Variants in NARS2 observed in about 807,000 individuals in gnomAD.
The protein encoded by NARS2 is asparaginyl-tRNA synthetase.
NARS2 carries 60 observed loss-of-function variants against 62.9 expected under a neutral mutation model. That is an observed-to-expected ratio of 0.95 (90% CI 0.77 to 1.18). NARS2 has a LOEUF of 1.18. Ranked by LOEUF, NARS2 falls within the 50% of genes most tolerant of loss-of-function variation. The pLI is 0.00. For synonymous variants in NARS2, 196 were observed against 200.0 expected (o/e 0.98, Z 0.17); for missense variants, 619 against 576.4 (o/e 1.07, Z -0.76).
At chr11:78,544,047 C>T (rs1855750712) in intron 5 of NARS2, among the ~76,000 whole-genome samples, 1 of 146,678 alleles carries the variant, frequency 6.8e-6, no homozygotes. Flanking sequence ...AAAACTCTCT[C>T]TCACTCTCCA....
At chr11:78,517,826 C>T (rs376999169) in intron 6 of NARS2, among the ~76,000 whole-genome samples, 3 of 152,162 alleles carry the variant, frequency 2.0e-5, no homozygotes, top group South Asian at 4.1e-4. Flanking sequence ...TGACGAAGTT[C>T]CTCATTTATA....
chr11:78,497,728 A>T (rs963716895), intron 6 of NARS2, among the ~76,000 whole-genome samples: 8 of 152,158 alleles, frequency 5.3e-5, no homozygotes, highest in African/African-American at 1.9e-4. Context: ...TAGACTCCAG[A>T]TACCCCCTTT....
intron 5 of NARS2, among the ~76,000 whole-genome samples, chr11:78,537,387 T>C (rs1156920775): frequency 6.6e-6 from 1 of 152,248 alleles, no homozygotes; most frequent in Non-Finnish European, 1.5e-5. Flanking sequence ...CTTGTATTCA[T>C]GTAGGGTACA....
At chr11:78,573,887 C>T (rs1336851243) in intron 1 of NARS2, among the ~76,000 whole-genome samples, 1 of 152,204 alleles carries the variant, frequency 6.6e-6, no homozygotes. Flanking sequence ...AAATAAATTA[C>T]ATGCAGACCC....
At chr11:78,493,945 GTTCAT>G (rs1859941918) in intron 6 of NARS2, among the ~76,000 whole-genome samples, 1 of 152,050 alleles carries the variant, frequency 6.6e-6, no homozygotes, top group Non-Finnish European at 1.5e-5. Flanking sequence ...GATAAGGTGT[GTTCAT>G]TTATTTTTTA....
At chr11:78,513,507 G>T (rs1187752802) in intron 6 of NARS2, among the ~76,000 whole-genome samples, 1 of 152,056 alleles carries the variant, frequency 6.6e-6, no homozygotes, top group Non-Finnish European at 1.5e-5. Flanking sequence ...GCCGGGTGCG[G>T]TGGCTCATGC....
At chr11:78,465,775 GA>G in intron 11 of NARS2, 100 bp downstream of exon 11, 3 of 1,302,886 alleles carry the variant, frequency 2.3e-6, no homozygotes, top group Non-Finnish European at 3.3e-6. Flanking sequence ...ATCATTTTAA[GA>G]GATAGAGTGA....
At chr11:78,552,865 C>A (rs1374858797) in intron 5 of NARS2, among the ~76,000 whole-genome samples, 1 of 152,230 alleles carries the variant, frequency 6.6e-6, no homozygotes, top group Non-Finnish European at 1.5e-5. Flanking sequence ...GCATCCTCAA[C>A]TTTGGGAAAA....
chr11:78,439,846 A>C (rs1857521874), intron 13 of NARS2, among the ~76,000 whole-genome samples: 1 of 152,184 alleles, frequency 6.6e-6, no homozygotes, highest in African/African-American at 2.4e-5. Context: ...ATAAATAAAA[A>C]ATGTATATAT....
At position 78,516,094 on chromosome 11, in the gene NARS2, G is replaced by T. The variant is rs147178866; in HGVS notation, c.689+12748C>A. Among the ~76,000 whole-genome samples the T allele has an allele frequency of 3.6e-3, 552 of 152,264 alleles. 1 individual carries two copies. Among genetic ancestry groups the T allele is most frequent in the African/African-American group, 0.013 (535 of 41,530 alleles). On this transcript the variant is annotated intron_variant, in intron 6 of 13. Transcript: ENST00000281038. ...GTTTATAAAAGATTCTAAGTATTTG[G>T]AAGTTGATAAAGACACAGGGCAGAA...
At chr11:78,550,304 C>T (rs1318694090) in intron 5 of NARS2, among the ~76,000 whole-genome samples, 1 of 152,190 alleles carries the variant, frequency 6.6e-6, no homozygotes, top group Non-Finnish European at 1.5e-5. Flanking sequence ...TGTTCTGTTT[C>T]ACTGTTCCCA....
intron 6 of NARS2, among the ~76,000 whole-genome samples, chr11:78,528,033 C>G (rs1462299506): frequency 1.3e-5 from 2 of 152,114 alleles, no homozygotes; most frequent in East Asian, 3.9e-4. Context: ...ATCACTTGAG[C>G]CTAGAGTTTG....
At chr11:78,561,847 G>C (rs964136228) in intron 4 of NARS2, among the ~76,000 whole-genome samples, 2 of 151,880 alleles carry the variant, frequency 1.3e-5, no homozygotes, top group Non-Finnish European at 2.9e-5. Flanking sequence ...ATCACCTGAG[G>C]TCAGGAGTTT....
chr11:78,505,881 C>T (rs1860477549), intron 6 of NARS2, among the ~76,000 whole-genome samples: 1 of 151,990 alleles, frequency 6.6e-6, no homozygotes, highest in Non-Finnish European at 1.5e-5. Context: ...GAATAAGAAG[C>T]TTCTGGTCTT....
chr11:78,528,542 A>G (rs754943311), intron 6 of NARS2, among the ~76,000 whole-genome samples: 13 of 152,242 alleles, frequency 8.5e-5, no homozygotes, highest in Non-Finnish European at 1.0e-4. Flanking sequence ...TCAGGTATAA[A>G]CTATAAATTG....
chr11:78,505,032 T>C (rs1222192680), intron 6 of NARS2, among the ~76,000 whole-genome samples: 2 of 151,780 alleles, frequency 1.3e-5, no homozygotes, highest in Non-Finnish European at 2.9e-5. Context: ...TGCACACAGT[T>C]CACAGGTAAA....
At chr11:78,492,826 TG>T (rs1859883759) in intron 7 of NARS2, among the ~76,000 whole-genome samples, 1 of 152,178 alleles carries the variant, frequency 6.6e-6, no homozygotes, top group Admixed American at 6.5e-5. Flanking sequence ...CTAAAGATCA[TG>T]AAAGTCAGGG....
chr11:78,535,334 A>G (rs1461272572), intron 5 of NARS2, among the ~76,000 whole-genome samples: 1 of 152,250 alleles, frequency 6.6e-6, no homozygotes, highest in African/African-American at 2.4e-5. Context: ...CATCTTCAAT[A>G]TATTTCTTTC....
intron 4 of NARS2, among the ~76,000 whole-genome samples, chr11:78,563,739 G>T (rs552882106): frequency 2.1e-5 from 3 of 140,542 alleles, no homozygotes; most frequent in Admixed American, 1.5e-4. Context: ...GTTGTGGGAG[G>T]AGAATCCCTT....
Sources: gnomAD v4.1 joint callset for allele counts (sites outside exome capture counted in the v4.1 genomes callset) on GRCh38, gnomAD v4.1.1 for gene constraint, MANE v1.5 for transcripts, NCBI Gene and HGNC (gene_info 2026-07-23, HGNC 2026-07-21) for gene names.